The following DPYD variants were observed in gnomAD, a reference collection of about 807,000 sequenced individuals.
DPYD encodes dihydropyrimidine dehydrogenase, also known as dihydropyrimidine dehydrogenase [NADP(+)].
Under a neutral mutation model 116.2 loss-of-function variants are expected in DPYD, and 109 were observed. The observed-to-expected ratio is 0.94, with a 90% CI of 0.80 to 1.10. The LOEUF (loss-of-function observed/expected upper bound fraction) is 1.10. Among genes scored for constraint, DPYD ranks in the 50% least tolerant of loss-of-function variants. The pLI is 0.00. For missense variants in DPYD, 1,302 were observed against 1,254.5 expected (o/e 1.04, Z -0.57); for synonymous variants, 440 against 432.0 (o/e 1.02, Z -0.23).
intron 13 of DPYD, among the ~76,000 whole-genome samples, chr1:97,507,927 G>A (rs1313545155): frequency 6.6e-6 from 1 of 152,000 alleles, no homozygotes. Flanking sequence ...TTATGGATAG[G>A]ACATGAGAGC....
chr1:97,266,286 G>A (rs991648714), intron 18 of DPYD, among the ~76,000 whole-genome samples: 4 of 152,144 alleles, frequency 2.6e-5, no homozygotes, highest in African/African-American at 9.7e-5. Context: ...ACTAACTAGA[G>A]AATGAAAAAT....
rs186812127 is a variant in DPYD, at chr1:97,597,619, G to A, written c.851-2453C>T. ...ATCTACAACCACTTGACTTTAAGGA[G>A]ATTGCCTCAATAATGTGGGTGGGCC... On this transcript the variant is annotated intron_variant, in intron 8 of 22. Coordinates refer to ENST00000370192, the MANE Select transcript of DPYD (RefSeq NM_000110.4). Among the ~76,000 whole-genome samples the A allele has an allele frequency of 3.6e-4, 55 of 152,270 alleles. 1 individual carries two copies.
intron 2 of DPYD, among the ~76,000 whole-genome samples, chr1:97,852,343 T>C (rs1670615463): frequency 6.6e-6 from 1 of 152,138 alleles, no homozygotes; most frequent in Non-Finnish European, 1.5e-5. Flanking sequence ...TTACTGTTAT[T>C]ACTAATATTA....
In DPYD at chr1:97,549,556, C is replaced by T; in HGVS notation, c.1524+4G>A. On this transcript the variant is annotated splice_donor_region_variant and intron_variant, in intron 12 of 22. Coordinates refer to ENST00000370192, the MANE Select transcript of DPYD (RefSeq NM_000110.4). The stretch of plus-strand genomic sequence containing the variant: ...ATTAAGTGGAAATGATGGCAAATGC[C>T]TACCTGTACGTATTTGTGAATGTAC... 1.2e-6 allele frequency: 2 copies of T among 1,613,648 alleles called. No individual in the cohort carries two copies. Among genetic ancestry groups the T allele is most frequent in the Non-Finnish European group, 1.7e-6 (2 of 1,179,726 alleles).
intron 3 of DPYD, among the ~76,000 whole-genome samples, chr1:97,753,634 CATTT>C (rs1665058872): frequency 6.6e-6 from 1 of 152,040 alleles, no homozygotes; most frequent in Non-Finnish European, 1.5e-5. Context: ...AAAAATTCCT[CATTT>C]ATTTACTAGG....
intron 8 of DPYD, among the ~76,000 whole-genome samples, chr1:97,625,728 AC>A (rs1247490154): frequency 6.6e-6 from 1 of 151,914 alleles, no homozygotes; most frequent in Non-Finnish European, 1.5e-5. Context: ...CAGAGGAAAA[AC>A]CAACTCTGCT....
intron 18 of DPYD, among the ~76,000 whole-genome samples, chr1:97,267,083 T>C (rs1664287438): frequency 6.6e-6 from 1 of 152,186 alleles, no homozygotes; most frequent in Non-Finnish European, 1.5e-5. Context: ...TTTCTAGTTC[T>C]AGATCCTTGA....
At chr1:97,211,309 G>A (rs1482404471) in intron 19 of DPYD, among the ~76,000 whole-genome samples, 1 of 152,050 alleles carries the variant, frequency 6.6e-6, no homozygotes, top group Non-Finnish European at 1.5e-5. Context: ...CTCTAGAGAC[G>A]ACTCCCCAGC....
intron 20 of DPYD, among the ~76,000 whole-genome samples, chr1:97,170,193 A>G (rs1488546743): frequency 6.6e-6 from 1 of 152,192 alleles, no homozygotes; most frequent in Non-Finnish European, 1.5e-5. Flanking sequence ...ATACATTACA[A>G]TGCTTGAGTA....
chr1:97,669,439 T>C (rs1373742508), intron 8 of DPYD, among the ~76,000 whole-genome samples: 1 of 152,130 alleles, frequency 6.6e-6, no homozygotes, highest in Non-Finnish European at 1.5e-5. Context: ...AGATTGTATT[T>C]GGGAAGGTGG....
chr1:97,515,681 A>C (rs1217443956), intron 13 of DPYD, 45 bp downstream of exon 13: 2 of 1,544,894 alleles, frequency 1.3e-6, no homozygotes, highest in Non-Finnish European at 1.8e-6. Context: ...CTTAATTAAA[A>C]TATATGATAG....
chr1:97,418,633 T>C (rs1024406556), intron 14 of DPYD, among the ~76,000 whole-genome samples: 22 of 152,124 alleles, frequency 1.4e-4, no homozygotes, highest in African/African-American at 5.3e-4. Flanking sequence ...GTATCACACG[T>C]TTTCCCATGA....
intron 8 of DPYD, among the ~76,000 whole-genome samples, chr1:97,633,370 C>CT: frequency 6.6e-6 from 1 of 152,168 alleles, no homozygotes. Flanking sequence ...CCCTGAAAGC[C>CT]TGGGCCTAGG....
chr1:97,606,968 A>T (rs1377728264), intron 8 of DPYD, among the ~76,000 whole-genome samples: 1 of 151,952 alleles, frequency 6.6e-6, no homozygotes, highest in African/African-American at 2.4e-5. Context: ...CTTAAATTAT[A>T]GTGTTCATAT....
At chr1:97,520,811 C>A (rs6671771) in intron 12 of DPYD, among the ~76,000 whole-genome samples, 43,499 of 151,910 alleles carry the variant, frequency 0.29, 6,340 homozygotes, top group East Asian at 0.48. Flanking sequence ...GAACTAATCC[C>A]TTTTGGAGGC....
chr1:97,876,415 A>G (rs574523515), intron 2 of DPYD, among the ~76,000 whole-genome samples: 3 of 151,994 alleles, frequency 2.0e-5, no homozygotes, highest in Non-Finnish European at 4.4e-5. Context: ...GTTGGCACTC[A>G]GTTTTAGGAT....
chr1:97,907,311 T>A (rs1304912932), intron 1 of DPYD, among the ~76,000 whole-genome samples: 6 of 152,142 alleles, frequency 3.9e-5, no homozygotes, highest in East Asian at 1.9e-4. Context: ...TTTCCATATT[T>A]GATAACAAAC....
At chr1:97,329,253 G>A (rs570367511) in intron 16 of DPYD, among the ~76,000 whole-genome samples, 150 of 152,246 alleles carry the variant, frequency 9.9e-4, no homozygotes, top group African/African-American at 3.5e-3. Flanking sequence ...TTGTGGTGAT[G>A]TCACTAACTT....
At chr1:97,181,087 A>G (rs558882029) in intron 20 of DPYD, among the ~76,000 whole-genome samples, 3 of 152,120 alleles carry the variant, frequency 2.0e-5, no homozygotes, top group Non-Finnish European at 4.4e-5. Context: ...ATCTCATCCT[A>G]TATCTCAATG....
Sources: allele counts gnomAD v4.1 joint callset (sites outside exome capture counted in the v4.1 genomes callset), GRCh38; gene constraint gnomAD v4.1.1; transcripts MANE v1.5; gene names NCBI Gene and HGNC (gene_info 2026-07-23, HGNC 2026-07-21).